NYAP2: variants seen among roughly 807,000 people sequenced by gnomAD.
NYAP2 encodes neuronal tyrosine-phosphorylated phosphoinositide-3-kinase adapter 2.
In NYAP2, 23 loss-of-function variants were observed where a neutral mutation model predicts 50.4. That is an observed-to-expected ratio of 0.46 (90% CI 0.33 to 0.65). The LOEUF (loss-of-function observed/expected upper bound fraction) is 0.65, where lower values mean the gene tolerates loss of function less well. NYAP2 is among the 30% of genes least tolerant of loss of function. The probability of loss-of-function intolerance (pLI) is 0.02; values close to 1 mark genes in which losing one functional copy is unlikely to be tolerated. For missense variants in NYAP2, 885 were observed against 861.0 expected (o/e 1.03, Z -0.35); for synonymous variants, 394 against 365.2 (o/e 1.08, Z -0.90).
intron 3 of NYAP2, among the ~76,000 whole-genome samples, chr2:225,438,327 AG>A (rs1444127196): frequency 6.6e-6 from 1 of 152,242 alleles, no homozygotes; most frequent in Non-Finnish European, 1.5e-5. Context: ...AGTGGTGTAA[AG>A]AGACTGCCAC....
In NYAP2 at chr2:225,582,925, G is replaced by C; in HGVS notation, c.1508G>C (p.Arg503Pro). The change falls in exon 5 of 7, where the codon CGG becomes CCG. Residue 503 changes from arginine to proline, a missense_variant. Physicochemically the swap from Arg to Pro is moderately radical, Grantham distance 103 (BLOSUM62 -2). Coordinates refer to ENST00000636099, the Ensembl canonical transcript of NYAP2. The surrounding 1 kb of genome is among the most constrained non-coding windows in gnomAD (Gnocchi z 7.0). ...TACGGGGCAGCCCCGGGTGGCTCCC[G>C]GTCCCGGACACCCACGAGCCCGCTG... 6.2e-7 allele frequency: 1 copy of C among 1,612,900 alleles called. No homozygotes were observed. The highest frequency in any genetic ancestry group is 1.1e-5 in the South Asian group (1 of 91,062).
At chr2:225,676,817 T>C in the NYAP2 span, among the ~76,000 whole-genome samples, 1 of 152,194 alleles carries the variant, frequency 6.6e-6, no homozygotes, top group African/African-American at 2.4e-5. Flanking sequence ...TGTAGCCTTA[T>C]AGTATAGTTT....
At chr2:225,419,429 A>C (rs1695180690) in intron 3 of NYAP2, among the ~76,000 whole-genome samples, 1 of 152,200 alleles carries the variant, frequency 6.6e-6, no homozygotes, top group Non-Finnish European at 1.5e-5. Context: ...TAAGAATGAA[A>C]CTTGGAGTAA....
chr2:225,563,962 C>T (rs115442999), intron 4 of NYAP2, among the ~76,000 whole-genome samples: 43 of 152,204 alleles, frequency 2.8e-4, no homozygotes, highest in African/African-American at 1.0e-3. Context: ...ATATTGCAGA[C>T]TGGGTGAACT....
upstream of NYAP2, among the ~76,000 whole-genome samples, chr2:225,397,972 A>G (rs1056494306): frequency 1.3e-5 from 2 of 151,998 alleles, no homozygotes; most frequent in Non-Finnish European, 2.9e-5. Context: ...TATTTTCCTA[A>G]AGTTGAATAT....
intron 4 of NYAP2, among the ~76,000 whole-genome samples, chr2:225,524,775 G>C (rs539390125): frequency 2.3e-4 from 35 of 152,084 alleles, no homozygotes; most frequent in Middle Eastern, 6.8e-3. Flanking sequence ...CTTTTACACA[G>C]CAAAAGAAAC....
intron 4 of NYAP2, among the ~76,000 whole-genome samples, chr2:225,566,135 C>T (rs573304621): frequency 4.6e-5 from 7 of 152,046 alleles, no homozygotes; most frequent in African/African-American, 1.7e-4. Flanking sequence ...TGAAATAATC[C>T]CCCCAAAGCG....
chr2:225,568,106 G>T (rs937220656), intron 4 of NYAP2, among the ~76,000 whole-genome samples: 1 of 152,064 alleles, frequency 6.6e-6, no homozygotes, highest in Non-Finnish European at 1.5e-5. Context: ...GAAAATGATT[G>T]TTTTAATCTC....
At chr2:225,611,852 A>G (rs1014373416) in intron 5 of NYAP2, among the ~76,000 whole-genome samples, 1 of 149,710 alleles carries the variant, frequency 6.7e-6, no homozygotes, top group Non-Finnish European at 1.5e-5. Context: ...CATAATAAGT[A>G]TATATATAGA....
chr2:225,579,059 C>T (rs1692221895), intron 4 of NYAP2, among the ~76,000 whole-genome samples: 1 of 151,958 alleles, frequency 6.6e-6, no homozygotes, highest in Non-Finnish European at 1.5e-5. Context: ...CGTGCACACA[C>T]ACACAGAGAC....
intron 3 of NYAP2, among the ~76,000 whole-genome samples, chr2:225,414,716 A>G (rs1695095824): frequency 6.6e-6 from 1 of 152,038 alleles, no homozygotes; most frequent in African/African-American, 2.4e-5. Flanking sequence ...CACCAAGTTT[A>G]GGCCATCAAG....
chr2:225,432,148 T>C (rs988138700), intron 3 of NYAP2, among the ~76,000 whole-genome samples: 1 of 147,896 alleles, frequency 6.8e-6, no homozygotes, highest in Non-Finnish European at 1.5e-5. Flanking sequence ...CGCCTAATTT[T>C]TTTTTTTTTT....
intron 4 of NYAP2, among the ~76,000 whole-genome samples, chr2:225,564,144 A>G (rs1691921968): frequency 1.3e-5 from 2 of 152,036 alleles, no homozygotes; most frequent in Admixed American, 6.6e-5. Context: ...GACTCCAGCT[A>G]AGGCAAGGAA....
At chr2:225,437,440 A>C (rs1319746009) in intron 3 of NYAP2, among the ~76,000 whole-genome samples, 1 of 152,178 alleles carries the variant, frequency 6.6e-6, no homozygotes, top group Non-Finnish European at 1.5e-5. Context: ...ACAAGTAAAA[A>C]TCATTTCATC....
intron 4 of NYAP2, among the ~76,000 whole-genome samples, chr2:225,567,210 A>G (rs1691977707): frequency 1.3e-5 from 2 of 152,170 alleles, no homozygotes; most frequent in Non-Finnish European, 2.9e-5. Context: ...TAGAGAAGGT[A>G]GAGTAAAAAT....
intron 5 of NYAP2, among the ~76,000 whole-genome samples, chr2:225,608,035 G>A (rs534977000): frequency 1.3e-5 from 2 of 152,150 alleles, no homozygotes; most frequent in East Asian, 3.9e-4. Flanking sequence ...CTTGACATCA[G>A]ATTAAGACCA....
chr2:225,564,282 T>TG (rs1276706039), intron 4 of NYAP2, among the ~76,000 whole-genome samples: 2 of 148,330 alleles, frequency 1.3e-5, no homozygotes, highest in Admixed American at 1.4e-4. Flanking sequence ...CCAAATAATG[T>TG]GAAAAAAAAG....
chr2:225,500,339 G>C (rs1169468782), intron 3 of NYAP2, among the ~76,000 whole-genome samples: 1 of 152,156 alleles, frequency 6.6e-6, no homozygotes, highest in Non-Finnish European at 1.5e-5. Flanking sequence ...AATTATTTTT[G>C]AATTGATATG....
Position 225,516,983 on chromosome 2 carries a change from G to A in NYAP2, c.523+3311G>A, listed in dbSNP as rs893787742. ...GGCTTCTATTTAAGTAAGGGATTAT[G>A]ACTTCCCTGTGGATAAAAGTAAAAA... On this transcript the variant is annotated intron_variant, in intron 4 of 6. Transcript: ENST00000636099. Among the ~76,000 whole-genome samples the A allele has an allele frequency of 6.6e-5, 10 of 152,174 alleles. No homozygotes were observed. In the South Asian group the frequency reaches 2.1e-3, roughly 32 times the overall value.
Sources: gnomAD v4.1 joint callset for allele counts (sites outside exome capture counted in the v4.1 genomes callset) on GRCh38, gnomAD v4.1.1 for gene constraint, Gnocchi (gnomAD v3.1) non-coding constraint, MANE v1.5 for transcripts, NCBI Gene and HGNC (gene_info 2026-07-23, HGNC 2026-07-21) for gene names.